Variants in TPRG1 observed in about 807,000 individuals in gnomAD.
TPRG1 encodes tumor protein p63 regulated 1.
A neutral mutation model predicts 29.3 loss-of-function variants in TPRG1; 29 were observed. That is an observed-to-expected ratio of 0.99 (90% CI 0.74 to 1.35). The LOEUF is 1.35. Ranked by LOEUF, TPRG1 falls within the 40% of genes most tolerant of loss-of-function variation. The pLI, the probability that TPRG1 is intolerant of heterozygous loss-of-function variation, is 0.00. For missense variants in TPRG1, 327 were observed against 335.0 expected (o/e 0.98, Z 0.19); for synonymous variants, 130 against 116.8 (o/e 1.11, Z -0.73).
chr3:189,217,523 T>G (rs983644561), intron 3 of TPRG1, among the ~76,000 whole-genome samples: 2 of 152,224 alleles, frequency 1.3e-5, no homozygotes, highest in African/African-American at 4.8e-5. Context: ...GTGTTCTTTT[T>G]GGTCTTCTCT....
intron 3 of TPRG1, among the ~76,000 whole-genome samples, chr3:189,015,868 A>G (rs557985365): frequency 6.6e-6 from 1 of 152,336 alleles, no homozygotes; most frequent in Non-Finnish European, 1.5e-5. Flanking sequence ...GTCTAGGCAG[A>G]AGTTTACTGT....
At chr3:189,204,050 A>C (rs1202852292) in intron 1 of TPRG1, among the ~76,000 whole-genome samples, 6 of 151,830 alleles carry the variant, frequency 4.0e-5, no homozygotes, top group South Asian at 2.1e-4. Context: ...AAAAAAAAAA[A>C]AAAAAAAAAA....
chr3:189,074,962 C>T (rs750690394), intron 4 of TPRG1, among the ~76,000 whole-genome samples: 1 of 151,936 alleles, frequency 6.6e-6, no homozygotes, highest in South Asian at 2.1e-4. Context: ...CAGGCGCCCG[C>T]CACCACGCCC....
intron 1 of TPRG1, among the ~76,000 whole-genome samples, chr3:189,183,060 AC>A (rs1371793119): frequency 6.6e-6 from 1 of 152,184 alleles, no homozygotes; most frequent in East Asian, 1.9e-4. Context: ...AAACAGAGTG[AC>A]TTTTTATCGG....
At chr3:189,214,223 G>T (rs924138023) in intron 2 of TPRG1, among the ~76,000 whole-genome samples, 1 of 152,038 alleles carries the variant, frequency 6.6e-6, no homozygotes, top group Non-Finnish European at 1.5e-5. Context: ...CTTATTTTAG[G>T]ATTATTTCAT....
chr3:189,200,313 G>T (rs536724530), intron 1 of TPRG1, among the ~76,000 whole-genome samples: 1 of 152,216 alleles, frequency 6.6e-6, no homozygotes, highest in Non-Finnish European at 1.5e-5. Context: ...ACAGAAGCAG[G>T]CTTGTTGGAG....
At chr3:189,159,059 G>A (rs1016868958) in intron 5 of TPRG1, among the ~76,000 whole-genome samples, 2 of 152,006 alleles carry the variant, frequency 1.3e-5, no homozygotes, top group Non-Finnish European at 2.9e-5. Flanking sequence ...TGGAGTAGCA[G>A]GCAGTTGTTC....
chr3:189,075,652 T>C (rs1373361889), intron 4 of TPRG1, among the ~76,000 whole-genome samples: 1 of 152,230 alleles, frequency 6.6e-6, no homozygotes, highest in Non-Finnish European at 1.5e-5. Context: ...TCTGGGGCTT[T>C]AGATTTGTGG....
At chr3:189,138,118 G>A (rs983242366) in intron 3 of TPRG1, among the ~76,000 whole-genome samples, 1 of 152,152 alleles carries the variant, frequency 6.6e-6, no homozygotes, top group African/African-American at 2.4e-5. Flanking sequence ...GAAAGCCCAG[G>A]GGAGGAAGTG....
At chr3:189,291,442 A>T (rs1189619147) in intron 4 of TPRG1, among the ~76,000 whole-genome samples, 9 of 152,218 alleles carry the variant, frequency 5.9e-5, no homozygotes, top group Non-Finnish European at 1.3e-4. Context: ...GGATTAAATG[A>T]GAAAGCCATG....
chr3:188,998,121 C>T (rs1412907735), intron 1 of TPRG1, among the ~76,000 whole-genome samples: 1 of 149,942 alleles, frequency 6.7e-6, no homozygotes, highest in South Asian at 2.2e-4. Flanking sequence ...GTTCTTGCTG[C>T]CATGAAACTT....
At chr3:189,270,006 C>T (rs1362954428) in intron 4 of TPRG1, among the ~76,000 whole-genome samples, 1 of 148,474 alleles carries the variant, frequency 6.7e-6, no homozygotes, top group Non-Finnish European at 1.5e-5. Context: ...GCTATCTTTT[C>T]TCTTCTCTGG....
intron 4 of TPRG1, among the ~76,000 whole-genome samples, chr3:189,079,041 C>G (rs868853873): frequency 1.3e-5 from 2 of 152,080 alleles, no homozygotes; most frequent in Non-Finnish European, 2.9e-5. Flanking sequence ...GCATAGTGCT[C>G]ACATCGCATC....
intron 4 of TPRG1, among the ~76,000 whole-genome samples, chr3:189,043,066 T>G (rs948213638): frequency 6.6e-6 from 1 of 152,232 alleles, no homozygotes; most frequent in African/African-American, 2.4e-5. Context: ...CTATGGGATC[T>G]GCTAACTATA....
intron 3 of TPRG1, among the ~76,000 whole-genome samples, chr3:189,217,548 T>C (rs1158893442): frequency 2.0e-5 from 3 of 152,230 alleles, no homozygotes; most frequent in Non-Finnish European, 4.4e-5. Context: ...CAAAAGCCTT[T>C]ACCTCCTCTT....
At chr3:189,083,847 A>T (rs1456720047) in intron 4 of TPRG1, among the ~76,000 whole-genome samples, 1 of 136,006 alleles carries the variant, frequency 7.4e-6, no homozygotes, top group Non-Finnish European at 1.6e-5. Flanking sequence ...TCTTCATAGG[A>T]ACACTGAGGA....
At chr3:189,166,235 C>T (rs1001002616) in intron 5 of TPRG1, among the ~76,000 whole-genome samples, 2 of 152,218 alleles carry the variant, frequency 1.3e-5, no homozygotes, top group Admixed American at 6.5e-5. Context: ...GCCATAGGAT[C>T]TTCCTCTCTG....
chr3:189,315,278 T>TTG (rs34255648), intron 5 of TPRG1, among the ~76,000 whole-genome samples: 5,042 of 143,420 alleles, frequency 0.035, 76 homozygotes, highest in African/African-American at 0.043. Context: ...CCTGAAAGAA[T>TTG]TGTGTGTGTG....
intron 1 of TPRG1, among the ~76,000 whole-genome samples, chr3:189,126,752 A>C (rs1486199013): frequency 6.6e-6 from 1 of 152,234 alleles, no homozygotes; most frequent in Non-Finnish European, 1.5e-5. Context: ...TAAATGATAC[A>C]AGTGAAGTGT....
Sources: allele counts gnomAD v4.1 joint callset (sites outside exome capture counted in the v4.1 genomes callset), GRCh38; gene constraint gnomAD v4.1.1; transcripts MANE v1.5; gene names NCBI Gene and HGNC (gene_info 2026-07-23, HGNC 2026-07-21).